PLCZ1: variants seen among roughly 807,000 people sequenced by gnomAD.
PLCZ1 encodes the protein 1-phosphatidylinositol 4,5-bisphosphate phosphodiesterase zeta-1.
PLCZ1 carries 64 observed loss-of-function variants against 76.8 expected under a neutral mutation model. The ratio of observed to expected loss-of-function variants is 0.83; its 90% CI spans 0.68 to 1.03. PLCZ1 has a LOEUF of 1.03. PLCZ1 is among the 50% of genes least tolerant of loss of function. PLCZ1 has a pLI of 0.00. For synonymous variants in PLCZ1, 248 were observed against 230.8 expected (o/e 1.07, Z -0.68); for missense variants, 751 against 713.7 (o/e 1.05, Z -0.60).
the PLCZ1 span, among the ~76,000 whole-genome samples, chr12:18,656,634 G>A: frequency 6.6e-6 from 1 of 152,108 alleles, no homozygotes; most frequent in East Asian, 1.9e-4. Context: ...TACTTGGGAA[G>A]CTCAGGTGGA....
chr12:18,648,099 ATAAG>A, the PLCZ1 span: 1 of 914,086 alleles, frequency 1.1e-6, no homozygotes, highest in Non-Finnish European at 1.6e-6. Flanking sequence ...TCTGAATCAC[ATAAG>A]TAAGGCATCT....
At chr12:18,696,322 C>CAATATATATATATATATATATA (rs1555180116) in intron 10 of PLCZ1, 56 bp from the exon 11 acceptor site, 1 of 253,072 alleles carries the variant, frequency 4.0e-6, no homozygotes, top group African/African-American at 6.1e-5. Flanking sequence ...TAAAAAGCCA[C>CAATATATATATATATATATATA]TATATATATA....
intron 12 of PLCZ1, among the ~76,000 whole-genome samples, chr12:18,690,095 T>A (rs1454374057): frequency 6.6e-6 from 1 of 152,186 alleles, no homozygotes; most frequent in Non-Finnish European, 1.5e-5. Flanking sequence ...AGAGCACATA[T>A]GTTCTCTTTA....
intron 4 of PLCZ1, among the ~76,000 whole-genome samples, chr12:18,720,317 CA>C (rs1468771190): frequency 6.6e-6 from 1 of 151,408 alleles, no homozygotes; most frequent in African/African-American, 2.4e-5. Flanking sequence ...ATTGTGCTGC[CA>C]AAAATAACCA....
At chr12:18,680,595 C>A (rs1591938274), downstream of PLCZ1, among the ~76,000 whole-genome samples, 3 of 152,058 alleles carry the variant, frequency 2.0e-5, no homozygotes. Context: ...AAAGAATAAA[C>A]CCTCAAAATT....
chr12:18,701,152 T>C (rs1332091269), intron 9 of PLCZ1, among the ~76,000 whole-genome samples: 4 of 151,926 alleles, frequency 2.6e-5, no homozygotes, highest in Admixed American at 2.6e-4. Flanking sequence ...GCCCGGCTAA[T>C]TTTTGTATTT....
the PLCZ1 span, among the ~76,000 whole-genome samples, chr12:18,670,255 C>T: frequency 5.7e-4 from 86 of 152,104 alleles, no homozygotes; most frequent in African/African-American, 2.0e-3. Flanking sequence ...TATCAGATTG[C>T]TACATTTCTC....
rs867642318 is a variant in PLCZ1, at chr12:18,719,450, C to T, written c.550G>A (p.Asp184Asn). ...LVSDQLLGPSDLWGYVSALVK... is the reference protein window; with the variant it reads ...LVSDQLLGPSNLWGYVSALVK... ...AAATACCTTACATATCCCCAAAGGT[C>T]ACTTGGTCCCAATAATTGATCAGAT... is the stretch of plus-strand genomic sequence containing the variant. Residue 184 changes from aspartate to asparagine, a missense_variant, in exon 5 of 15, where the codon GAC becomes AAC. Coordinates refer to ENST00000266505, the MANE Select transcript of PLCZ1 (RefSeq NM_033123.4). 6.5e-7 allele frequency: 1 copy of T among 1,530,840 alleles called. No homozygotes were observed. 94.8% of individuals were successfully genotyped at this position (1,530,840 alleles called of 1,614,324 possible).
At chr12:18,715,026 T>C (rs1159027624) in intron 5 of PLCZ1, 2 of 151,742 alleles carry the variant, frequency 1.3e-5, no homozygotes, top group African/African-American at 4.8e-5. Flanking sequence ...TAGTTCTTCT[T>C]TGGCGATCAT....
At chr12:18,716,448 G>A (rs1957999417) in intron 5 of PLCZ1, among the ~76,000 whole-genome samples, 1 of 152,174 alleles carries the variant, frequency 6.6e-6, no homozygotes, top group East Asian at 1.9e-4. Flanking sequence ...CCACTTACAT[G>A]TGGAGGCACC....
At chr12:18,648,754 G>C in the PLCZ1 span, among the ~76,000 whole-genome samples, 5 of 151,990 alleles carry the variant, frequency 3.3e-5, no homozygotes, top group South Asian at 6.2e-4. Flanking sequence ...TTATTTTCCT[G>C]CTTCTGAACC....
At chr12:18,651,076 C>T in the PLCZ1 span, among the ~76,000 whole-genome samples, 1 of 151,852 alleles carries the variant, frequency 6.6e-6, no homozygotes, top group East Asian at 1.9e-4. Context: ...TGTGATCTGA[C>T]CTCCCATCCT....
chr12:18,676,043 A>C, the PLCZ1 span, among the ~76,000 whole-genome samples: 1 of 152,138 alleles, frequency 6.6e-6, no homozygotes, highest in Non-Finnish European at 1.5e-5. Flanking sequence ...AGGAAAAAAA[A>C]TTATACCATC....
At chr12:18,679,364 C>A (rs1952219012), downstream of PLCZ1, among the ~76,000 whole-genome samples, 1 of 151,904 alleles carries the variant, frequency 6.6e-6, no homozygotes. Flanking sequence ...GAAACCTTTG[C>A]TTATCCCAAG....
At chr12:18,735,267 A>C (rs1592304686) in intron 3 of PLCZ1, among the ~76,000 whole-genome samples, 1 of 152,194 alleles carries the variant, frequency 6.6e-6, no homozygotes, top group Non-Finnish European at 1.5e-5. Context: ...TTGACCTTAT[A>C]AAATAAAACT....
In PLCZ1 at chr12:18,705,171, G is replaced by C. The variant is rs773945669; in HGVS notation, c.859C>G (p.Pro287Ala). The C allele has an allele frequency of 6.2e-7, 1 of 1,613,942 alleles. No homozygotes were observed. The highest frequency in any genetic ancestry group is 1.7e-5 in the Admixed American group (1 of 60,008). ...TTCTCAGAAAAAAATGTTACCTCTG[G>C]TGATGGTAGAGTATCAGGAAAATCA... ...LDDFPDTLPS[P>A]EALKFKILVK... The change falls in exon 7 of 15, where the codon CCA becomes GCA. Residue 287 changes from proline to alanine, a missense_variant. By Grantham distance (27) the Pro-to-Ala change is conservative (BLOSUM62 -1). Transcript: ENST00000266505.
At chr12:18,685,275 T>C (rs980827525) in intron 13 of PLCZ1, among the ~76,000 whole-genome samples, 36 of 151,994 alleles carry the variant, frequency 2.4e-4, no homozygotes, top group African/African-American at 8.5e-4. Flanking sequence ...AACCAATTTC[T>C]GCCAAGCAAG....
intron 13 of PLCZ1, among the ~76,000 whole-genome samples, chr12:18,686,203 C>T (rs184179238): frequency 5.9e-4 from 89 of 151,902 alleles, no homozygotes; most frequent in Admixed American, 1.6e-3. Flanking sequence ...AAATTTTATC[C>T]TGACTCTACT....
At chr12:18,703,135 A>G (rs1349246066) in intron 7 of PLCZ1, among the ~76,000 whole-genome samples, 3 of 152,202 alleles carry the variant, frequency 2.0e-5, no homozygotes, top group Non-Finnish European at 4.4e-5. Context: ...GAATTGGACT[A>G]TGATTTGGGT....
Sources: allele counts gnomAD v4.1 joint callset (sites outside exome capture counted in the v4.1 genomes callset), GRCh38; gene constraint gnomAD v4.1.1; transcripts MANE v1.5; gene names NCBI Gene and HGNC (gene_info 2026-07-23, HGNC 2026-07-21).